PIP5K1B: variants seen among roughly 807,000 people sequenced by gnomAD.
PIP5K1B encodes the protein phosphatidylinositol 4-phosphate 5-kinase type-1 beta.
Under a neutral mutation model 67.0 loss-of-function variants are expected in PIP5K1B, and 42 were observed. That is an observed-to-expected ratio of 0.63 (90% confidence interval 0.49 to 0.81). The LOEUF (loss-of-function observed/expected upper bound fraction) is 0.81. Ranked by LOEUF, PIP5K1B falls within the 30% of genes least tolerant of loss-of-function variation. The pLI is 0.00. For synonymous variants in PIP5K1B, 214 were observed against 231.4 expected (o/e 0.92, Z 0.68); for missense variants, 459 against 646.3 (o/e 0.71, Z 3.14).
chr9:68,964,810 T>C (rs1364114813), intron 14 of PIP5K1B, among the ~76,000 whole-genome samples: 1 of 152,236 alleles, frequency 6.6e-6, no homozygotes, highest in Admixed American at 6.5e-5. Flanking sequence ...GGTTTCCTTG[T>C]AAACGCTGCA....
rs552614366 is a variant in PIP5K1B, at chr9:68,914,025, A to G, written c.772-3523A>G. ...GGCCGGGAAAAAAGACTGCAAGTAC[A>G]AAACACATGGTTCAGGTTGAATATT... On this transcript the variant is annotated intron_variant, in intron 8 of 15. Transcript: ENST00000265382. Among the ~76,000 whole-genome samples the G allele has an allele frequency of 5.4e-4, 82 of 152,322 alleles. 1 individual carries two copies. Among genetic ancestry groups the G allele is most frequent in the African/African-American group, 1.8e-3 (76 of 41,570 alleles).
chr9:68,951,013 G>T (rs1303230704), intron 14 of PIP5K1B, among the ~76,000 whole-genome samples: 1 of 152,200 alleles, frequency 6.6e-6, no homozygotes, highest in African/African-American at 2.4e-5. Flanking sequence ...TTTGCATTTA[G>T]TTCATGATAG....
intron 4 of PIP5K1B, among the ~76,000 whole-genome samples, chr9:68,850,151 C>T (rs1442249291): frequency 2.0e-5 from 3 of 152,130 alleles, no homozygotes; most frequent in Non-Finnish European, 4.4e-5. Context: ...CTAACAAAAG[C>T]GATTAAAGAA....
At chr9:68,829,600 G>A (rs996993926) in intron 4 of PIP5K1B, among the ~76,000 whole-genome samples, 3 of 152,250 alleles carry the variant, frequency 2.0e-5, no homozygotes, top group African/African-American at 7.2e-5. Context: ...AACGTTGTTA[G>A]TGCCAAGGCT....
intron 2 of PIP5K1B, among the ~76,000 whole-genome samples, chr9:68,790,377 C>T (rs1399258293): frequency 1.3e-5 from 2 of 152,228 alleles, no homozygotes; most frequent in African/African-American, 2.4e-5. Flanking sequence ...CATGTCCCTA[C>T]ATTAGACATT....
Position 68,876,719 on chromosome 9 carries a change from T to C in PIP5K1B, c.243T>C (p.Phe81=), listed in dbSNP as rs1344199950. The change falls in exon 6 of 16, where the codon TTT becomes TTC. Residue 81 remains phenylalanine (F), a synonymous_variant. Transcript: ENST00000265382. The part of the protein sequence containing the change: ...NLTPAHHYPD[F]RFKTYAPLAF... ...CCCCAGCACATCACTACCCAGACTT[T>C]AGATTTAAGACATACGCTCCATTAG... The C allele has an allele frequency of 1.9e-6, 3 of 1,611,184 alleles. No individual in the cohort carries two copies. In the South Asian group the frequency reaches 3.3e-5, roughly 18 times the overall value.
chr9:69,001,839 G>A (rs1467682907), intron 15 of PIP5K1B, among the ~76,000 whole-genome samples: 1 of 152,186 alleles, frequency 6.6e-6, no homozygotes, highest in Non-Finnish European at 1.5e-5. Flanking sequence ...TCACTCAAGT[G>A]CTGAAAAGTC....
intron 13 of PIP5K1B, chr9:68,935,846 G>A (rs1053472243): frequency 1.3e-5 from 2 of 152,194 alleles, no homozygotes; most frequent in African/African-American, 4.8e-5. Context: ...CAGGTACCAA[G>A]AGAAGGAAAG....
chr9:68,865,085 C>T lies in PIP5K1B; in HGVS notation c.200+1118C>T, dbSNP rs189504688. On this transcript the variant is annotated intron_variant, in intron 5 of 15. Coordinates refer to ENST00000265382, the MANE Select transcript of PIP5K1B (RefSeq NM_003558.4). ...ATAAATTTTTAAAAGTCAGCTACCT[C>T]GTTTTGCTTTAAATGCTCTTAGCTG... Among the ~76,000 whole-genome samples the T allele has an allele frequency of 3.9e-5, 6 of 152,248 alleles. No homozygotes were observed. In the East Asian group the frequency reaches 1.2e-3, roughly 29 times the overall value.
intron 8 of PIP5K1B, among the ~76,000 whole-genome samples, chr9:68,895,908 G>GCATT (rs1257350970): frequency 6.6e-6 from 1 of 152,066 alleles, no homozygotes; most frequent in Non-Finnish European, 1.5e-5. Context: ...AACTTATCCA[G>GCATT]CATTACTTAC....
chr9:68,822,897 G>A (rs1833799227), intron 4 of PIP5K1B, among the ~76,000 whole-genome samples: 1 of 152,132 alleles, frequency 6.6e-6, no homozygotes, highest in African/African-American at 2.4e-5. Context: ...GGGTCTCCCT[G>A]GGCTGAGATC....
rs770526695 is a variant in PIP5K1B at position 68,894,381 on chromosome 9, G to A, written c.514G>A (p.Gly172Arg). The A allele has an allele frequency of 3.0e-5, 48 of 1,612,314 alleles. No individual in the cohort carries two copies. The highest frequency in any genetic ancestry group is 1.7e-5 in the Admixed American group (1 of 59,844). ...NPRTLLPKFY[G>R]LYCMQSGGIN... ...AAGGACTCTTTTGCCAAAATTTTAC[G>A]GACTGTATTGTATGCAATCAGGAGG... Residue 172 changes from glycine to arginine, a missense_variant, in exon 8 of 16, where the codon GGA (glycine) becomes AGA (arginine). Transcript: ENST00000265382.
chr9:68,869,059 G>A (rs531296824), intron 5 of PIP5K1B, among the ~76,000 whole-genome samples: 1 of 152,296 alleles, frequency 6.6e-6, no homozygotes, highest in South Asian at 2.1e-4. Context: ...AATGTTACAG[G>A]TTTGACAAAC....
intron 8 of PIP5K1B, among the ~76,000 whole-genome samples, chr9:68,900,894 A>G (rs1478796661): frequency 6.6e-6 from 1 of 152,218 alleles, no homozygotes; most frequent in Non-Finnish European, 1.5e-5. Context: ...GAATTTATGA[A>G]TCAGATTCTT....
chr9:68,898,675 C>A (rs973451440), intron 8 of PIP5K1B, among the ~76,000 whole-genome samples: 1 of 152,124 alleles, frequency 6.6e-6, no homozygotes, highest in African/African-American at 2.4e-5. Flanking sequence ...CAGCCAGATA[C>A]CCAGATCTGC....
intron 8 of PIP5K1B, among the ~76,000 whole-genome samples, chr9:68,915,582 A>T (rs1222794517): frequency 6.6e-6 from 1 of 152,080 alleles, no homozygotes. Context: ...CAAGCATTGG[A>T]TCAGTGGTAA....
chr9:68,926,117 A>ATT (rs1041249250), intron 12 of PIP5K1B, among the ~76,000 whole-genome samples: 1 of 151,708 alleles, frequency 6.6e-6, no homozygotes, highest in Non-Finnish European at 1.5e-5. Context: ...TTTAAGAAAG[A>ATT]TTTTTTTCAC....
chr9:68,732,924 G>C (rs569530365), intron 1 of PIP5K1B, among the ~76,000 whole-genome samples: 2 of 145,086 alleles, frequency 1.4e-5, no homozygotes, highest in Non-Finnish European at 3.0e-5. Context: ...GTTGGGGGGG[G>C]GGCGGCGCGG....
chr9:68,998,297 C>T (rs1278363800), intron 15 of PIP5K1B, among the ~76,000 whole-genome samples: 6 of 152,114 alleles, frequency 3.9e-5, no homozygotes, highest in East Asian at 1.9e-4. Flanking sequence ...TCAAGCGATC[C>T]GCCCACCTCG....
Sources: allele counts gnomAD v4.1 joint callset (sites outside exome capture counted in the v4.1 genomes callset), GRCh38; gene constraint gnomAD v4.1.1; transcripts MANE v1.5; gene names NCBI Gene and HGNC (gene_info 2026-07-23, HGNC 2026-07-21).